CNTNAP5: variants seen among roughly 807,000 people sequenced by gnomAD.
CNTNAP5 encodes contactin associated protein family member 5.
In CNTNAP5, 72 loss-of-function variants were observed where a neutral mutation model predicts 150.2. The ratio of observed to expected loss-of-function variants is 0.48; its 90% CI spans 0.40 to 0.58. The LOEUF (loss-of-function observed/expected upper bound fraction) is 0.58, where lower values mean the gene tolerates loss of function less well. Among genes scored for constraint, CNTNAP5 ranks in the 20% least tolerant of loss-of-function variants. The pLI is 0.00. For synonymous variants in CNTNAP5, 672 were observed against 619.8 expected (o/e 1.08, Z -1.25); for missense variants, 1,636 against 1,626.2 (o/e 1.01, Z -0.10).
intron 3 of CNTNAP5, among the ~76,000 whole-genome samples, chr2:124,336,997 T>C (rs1035943823): frequency 1.3e-5 from 2 of 152,182 alleles, no homozygotes; most frequent in Non-Finnish European, 2.9e-5. Flanking sequence ...ACCAACAGTG[T>C]AAAAGTGTTC....
chr2:124,337,411 C>A (rs185231367), intron 3 of CNTNAP5, among the ~76,000 whole-genome samples: 5 of 152,132 alleles, frequency 3.3e-5, no homozygotes, highest in Admixed American at 1.3e-4. Flanking sequence ...GCTTTTGTTG[C>A]CATTGCTTTT....
chr2:124,855,370 G>T (rs1054714596), intron 19 of CNTNAP5, among the ~76,000 whole-genome samples: 1 of 151,852 alleles, frequency 6.6e-6, no homozygotes, highest in South Asian at 2.1e-4. Flanking sequence ...TAGAGGCAGG[G>T]TTTCGCCATG....
chr2:124,838,502 T>C (rs534982159), intron 19 of CNTNAP5, among the ~76,000 whole-genome samples: 10 of 152,296 alleles, frequency 6.6e-5, no homozygotes, highest in African/African-American at 2.4e-4. Context: ...ATAGTTTTTA[T>C]TATTATGCGT....
chr2:124,157,095 T>A (rs1684564024), intron 1 of CNTNAP5, among the ~76,000 whole-genome samples: 1 of 152,210 alleles, frequency 6.6e-6, no homozygotes, highest in African/African-American at 2.4e-5. Flanking sequence ...GGGGCTCTGT[T>A]TATTCAAGTG....
chr2:124,589,751 T>G (rs944113092), intron 11 of CNTNAP5, among the ~76,000 whole-genome samples: 4 of 152,192 alleles, frequency 2.6e-5, no homozygotes, highest in Admixed American at 2.0e-4. Flanking sequence ...CCTTTTTACG[T>G]GAACTCAGTT....
At chr2:124,233,609 C>A (rs1315479980) in intron 2 of CNTNAP5, among the ~76,000 whole-genome samples, 1 of 152,038 alleles carries the variant, frequency 6.6e-6, no homozygotes, top group Non-Finnish European at 1.5e-5. Flanking sequence ...AGAGAATAAT[C>A]AACCATGTCT....
At chr2:124,875,547 C>T (rs749394593) in intron 21 of CNTNAP5, among the ~76,000 whole-genome samples, 2 of 152,138 alleles carry the variant, frequency 1.3e-5, no homozygotes, top group Non-Finnish European at 1.5e-5. Flanking sequence ...GATAGTAATA[C>T]TTAATTCATT....
At chr2:124,442,959 C>A (rs1348105068) in intron 5 of CNTNAP5, among the ~76,000 whole-genome samples, 2 of 152,054 alleles carry the variant, frequency 1.3e-5, no homozygotes, top group African/African-American at 4.8e-5. Context: ...GTTGGCAAGC[C>A]TGTGGTAAAG....
rs554578042 is a variant in CNTNAP5 at position 124,590,309 on chromosome 2, A to C, written c.1757-19492A>C. Among the ~76,000 whole-genome samples, 68 of 152,296 alleles carry C rather than the reference A, an allele frequency of 4.5e-4. 2 individuals carry two copies. The South Asian group carries it at 8.5e-3, about 19-fold the overall frequency. ...CCATTTGTAACCTGTAGCAACCACTAATCTGGTTCCATCTCTACCAATCTC... is the reference window on the plus strand; with the variant it reads ...CCATTTGTAACCTGTAGCAACCACTCATCTGGTTCCATCTCTACCAATCTC... On this transcript the variant is annotated intron_variant, in intron 11 of 23. Transcript: ENST00000682447.
At chr2:124,792,847 C>T (rs1045055671) in intron 18 of CNTNAP5, among the ~76,000 whole-genome samples, 2 of 152,156 alleles carry the variant, frequency 1.3e-5, no homozygotes, top group South Asian at 4.1e-4. Flanking sequence ...CATGTTATAA[C>T]ATTCATCATT....
chr2:124,691,638 C>T lies in CNTNAP5; in HGVS notation c.2077+43680C>T, dbSNP rs6541969. On this transcript the variant is annotated intron_variant, in intron 13 of 23. Transcript: ENST00000682447. The stretch of plus-strand genomic sequence containing the variant: ...TGTGTTTGTAACCCTGGCACCATAG[C>T]ACAGTCGCTGGCACCTATTGAAAAC... Among the ~76,000 whole-genome samples the T allele has an allele frequency of 5.4e-3, 817 of 152,228 alleles. 10 individuals carry two copies. The highest frequency in any genetic ancestry group is 0.018 in the African/African-American group (762 of 41,542).
intron 12 of CNTNAP5, 94 bp downstream of exon 12, chr2:124,610,014 A>C (rs1677345970): frequency 7.1e-7 from 1 of 1,405,840 alleles, no homozygotes; most frequent in Non-Finnish European, 9.5e-7. Context: ...TACGTGAATA[A>C]AAATTTGAAA....
chr2:124,413,796 G>T (rs1250612330), intron 3 of CNTNAP5, among the ~76,000 whole-genome samples: 2 of 113,772 alleles, frequency 1.8e-5, no homozygotes, highest in East Asian at 5.3e-4. Flanking sequence ...ACGAGTTAGT[G>T]GGTGCAGTGC....
chr2:124,535,729 A>T (rs1046583644), intron 10 of CNTNAP5, among the ~76,000 whole-genome samples: 1 of 152,154 alleles, frequency 6.6e-6, no homozygotes, highest in Non-Finnish European at 1.5e-5. Context: ...GTGAGCCGAG[A>T]TCGCGCCACT....
chr2:124,482,700 G>C (rs1693787336), intron 7 of CNTNAP5, among the ~76,000 whole-genome samples: 1 of 152,064 alleles, frequency 6.6e-6, no homozygotes, highest in African/African-American at 2.4e-5. Context: ...AAAGGAAGGA[G>C]GGCAGCGAAG....
chr2:124,847,757 A>G (rs556172702), intron 19 of CNTNAP5, among the ~76,000 whole-genome samples: 3 of 152,298 alleles, frequency 2.0e-5, no homozygotes, highest in African/African-American at 4.8e-5. Flanking sequence ...GCTATCTGAC[A>G]TCTTAATTCT....
In CNTNAP5 at chr2:124,159,014, C is replaced by A. The variant is rs1684611473; in HGVS notation, c.83-62691C>A. Among the ~76,000 whole-genome samples, 2 of 152,184 alleles carry A rather than the reference C, an allele frequency of 1.3e-5. 1 individual carries two copies. Among genetic ancestry groups the A allele is most frequent in the South Asian group, 4.1e-4 (2 of 4,824 alleles). ...AGAATTTCTTAATGGTCATTTCAAA[C>A]CCTAGGGAGAGAGGTTATGTGAGGT... On this transcript the variant is annotated intron_variant, in intron 1 of 23. Transcript: ENST00000682447.
chr2:124,736,084 G>A (rs1573582517), intron 13 of CNTNAP5, among the ~76,000 whole-genome samples: 1 of 152,084 alleles, frequency 6.6e-6, no homozygotes, highest in East Asian at 1.9e-4. Context: ...ACAAAAATTA[G>A]CTGGGCATGA....
intron 17 of CNTNAP5, among the ~76,000 whole-genome samples, chr2:124,785,041 G>GAAAAAAAAAAAAAAAA (rs67254743): frequency 3.2e-5 from 4 of 123,518 alleles, no homozygotes; most frequent in East Asian, 2.4e-4. Flanking sequence ...TTAAGGCTGA[G>GAAAAAAAAAAAAAAAA]AAAAAAAAAA....
Sources: allele counts gnomAD v4.1 joint callset (sites outside exome capture counted in the v4.1 genomes callset), GRCh38; gene constraint gnomAD v4.1.1; transcripts MANE v1.5; gene names NCBI Gene and HGNC (gene_info 2026-07-23, HGNC 2026-07-21).